The following ARHGAP20 variants were observed in gnomAD, a reference collection of about 807,000 sequenced individuals.
The protein encoded by ARHGAP20 is rho GTPase-activating protein 20.
ARHGAP20 carries 34 observed loss-of-function variants against 73.7 expected under a neutral mutation model. The observed-to-expected ratio is 0.46, with a 90% confidence interval of 0.35 to 0.61. The LOEUF (loss-of-function observed/expected upper bound fraction) is 0.61, where lower values mean the gene tolerates loss of function less well. Among genes scored for constraint, ARHGAP20 ranks in the 20% least tolerant of loss-of-function variants. The probability of loss-of-function intolerance (pLI) is 0.00; values close to 1 mark genes in which losing one functional copy is unlikely to be tolerated. For missense variants in ARHGAP20, 1,314 were observed against 1,420.9 expected (o/e 0.92, Z 1.21); for synonymous variants, 523 against 518.2 (o/e 1.01, Z -0.13).
In ARHGAP20 at chr11:110,580,238, A is replaced by AAAC. The variant is rs1947413738; in HGVS notation, c.2705_2707dup (p.Ser902_Leu903insCys). The AAAC allele has an allele frequency of 3.1e-6, 5 of 1,614,178 alleles. No individual in the cohort carries two copies. The East Asian group carries it at 1.1e-4, about 36-fold the overall frequency. ...CTTGCCCACCTCAATCCCCATGACT[A>AAAC]AACTCTGATTAATGAGCTTCTGCCC... On this transcript the variant is annotated inframe_insertion, in exon 15 of 15. Coordinates refer to ENST00000683387, the MANE Select transcript of ARHGAP20 (RefSeq NM_001384657.1).
At chr11:110,597,720 G>A (rs1948005986) in intron 9 of ARHGAP20, among the ~76,000 whole-genome samples, 1 of 152,168 alleles carries the variant, frequency 6.6e-6, no homozygotes, top group Non-Finnish European at 1.5e-5. Flanking sequence ...TGTTGACAGA[G>A]GATAAAGTAG....
intron 1 of ARHGAP20, among the ~76,000 whole-genome samples, chr11:110,708,831 T>A (rs1950596095): frequency 6.6e-6 from 1 of 152,172 alleles, no homozygotes; most frequent in Non-Finnish European, 1.5e-5. Context: ...TATATATATG[T>A]CAAAACTATT....
chr11:110,670,312 A>G (rs1565469289), intron 2 of ARHGAP20, among the ~76,000 whole-genome samples: 1 of 152,116 alleles, frequency 6.6e-6, no homozygotes, highest in Admixed American at 6.5e-5. Flanking sequence ...TGAAGAGATA[A>G]AATTCATATG....
At chr11:110,711,886 C>A (rs1650319468) in intron 1 of ARHGAP20, 1 of 1,309,818 alleles carries the variant, frequency 7.6e-7, no homozygotes, top group Non-Finnish European at 9.7e-7. Context: ...GCTGCGAGGT[C>A]GCTCGAGGAG....
At chr11:110,676,450 G>A (rs1949931538) in intron 2 of ARHGAP20, among the ~76,000 whole-genome samples, 1 of 152,136 alleles carries the variant, frequency 6.6e-6, no homozygotes, top group Non-Finnish European at 1.5e-5. Flanking sequence ...GCAGCAGCAA[G>A]GAGAAGTACT....
chr11:110,626,188 G>A (rs970128632), intron 3 of ARHGAP20, among the ~76,000 whole-genome samples: 3 of 152,092 alleles, frequency 2.0e-5, no homozygotes, highest in African/African-American at 7.2e-5. Flanking sequence ...GGAAAAAATA[G>A]GTATCCTCCC....
Position 110,579,339 on chromosome 11 carries a change from T to C in ARHGAP20, c.*31A>G. The stretch of plus-strand genomic sequence containing the variant: ...TGTCTATTATTATTAACCCAGTTCC[T>C]GTTCTTGTGGACATCAGATTCTTAC... On this transcript the variant is annotated 3_prime_UTR_variant, in exon 15 of 15. Transcript: ENST00000683387. 1 of 1,545,210 alleles carries C rather than the reference T, an allele frequency of 6.5e-7. No individual in the cohort carries two copies. Among genetic ancestry groups the C allele is most frequent in the African/African-American group, 1.4e-5 (1 of 72,756 alleles).
chr11:110,711,288 C>A (rs1341182968), intron 1 of ARHGAP20, among the ~76,000 whole-genome samples: 1 of 152,126 alleles, frequency 6.6e-6, no homozygotes, highest in Admixed American at 6.5e-5. Context: ...AGGGAACACG[C>A]GCTGCCCCCA....
intron 1 of ARHGAP20, among the ~76,000 whole-genome samples, chr11:110,702,368 A>T (rs1950470186): frequency 6.6e-6 from 1 of 152,086 alleles, no homozygotes; most frequent in Non-Finnish European, 1.5e-5. Flanking sequence ...ATAAATTAGG[A>T]ATTGATGGGA....
At chr11:110,603,506 C>A (rs573164999) in intron 9 of ARHGAP20, among the ~76,000 whole-genome samples, 1 of 152,178 alleles carries the variant, frequency 6.6e-6, no homozygotes, top group South Asian at 2.1e-4. Context: ...GCTTTATATA[C>A]TTCTTGTGCC....
chr11:110,695,497 T>C (rs533205188), intron 1 of ARHGAP20, among the ~76,000 whole-genome samples: 115 of 151,562 alleles, frequency 7.6e-4, no homozygotes, highest in African/African-American at 2.5e-3. Flanking sequence ...TAAAGGCAAA[T>C]TGCCAAATTA....
chr11:110,684,806 G>A (rs1950100426), intron 2 of ARHGAP20, among the ~76,000 whole-genome samples: 1 of 152,038 alleles, frequency 6.6e-6, no homozygotes, highest in Non-Finnish European at 1.5e-5. Flanking sequence ...ATTATTCTAA[G>A]TAAATTAACA....
At chr11:110,708,956 G>A (rs991196008) in intron 1 of ARHGAP20, among the ~76,000 whole-genome samples, 1 of 152,066 alleles carries the variant, frequency 6.6e-6, no homozygotes, top group East Asian at 1.9e-4. Context: ...GAGCTCAATA[G>A]CTACATGTAG....
chr11:110,619,813 G>A (rs1288621301), intron 4 of ARHGAP20, among the ~76,000 whole-genome samples: 1 of 152,050 alleles, frequency 6.6e-6, no homozygotes. Context: ...TATATGCAGT[G>A]ATAGAGTATA....
Position 110,579,473 on chromosome 11 carries a change from C to T in ARHGAP20, c.3473G>A (p.Arg1158Lys). The T allele has an allele frequency of 6.2e-7, 1 of 1,614,166 alleles. No homozygotes were observed. The highest frequency in any genetic ancestry group is 8.5e-7 in the Non-Finnish European group (1 of 1,180,020). Residue 1158 changes from arginine to lysine, a missense_variant, in exon 15 of 15, where the codon AGA (arginine) becomes AAA (lysine). Around this residue, in one of 3 missense-constraint regions of ARHGAP20, gnomAD observed 641 missense variants for 636.9 expected, o/e 1.01. Coordinates refer to ENST00000683387, the MANE Select transcript of ARHGAP20 (RefSeq NM_001384657.1). ...QSSSGSLPWE[R>K]ASASSWTLED... ...TAGAGTCCAAGAGCTGGCTGAGGCT[C>T]TTTCCCAAGGCAGAGAACCAGAAGA...
chr11:110,690,245 C>T (rs1950215788), intron 2 of ARHGAP20, among the ~76,000 whole-genome samples: 3 of 152,104 alleles, frequency 2.0e-5, no homozygotes, highest in African/African-American at 4.8e-5. Flanking sequence ...ACAAAACATT[C>T]ATTTTTCAGT....
intron 2 of ARHGAP20, among the ~76,000 whole-genome samples, chr11:110,673,854 T>C (rs776603669): frequency 1.3e-5 from 2 of 152,138 alleles, no homozygotes; most frequent in Non-Finnish European, 2.9e-5. Context: ...CAGTCTAATA[T>C]GATGGCTAAG....
intron 2 of ARHGAP20, among the ~76,000 whole-genome samples, chr11:110,642,602 T>C (rs1240947371): frequency 6.6e-6 from 1 of 152,288 alleles, no homozygotes; most frequent in East Asian, 1.9e-4. Flanking sequence ...GATTTGTGTA[T>C]GCTGAACCAA....
intron 4 of ARHGAP20, among the ~76,000 whole-genome samples, chr11:110,619,792 TAGTGATAGAGTATATGC>T (rs1316913650): frequency 7.3e-5 from 11 of 150,810 alleles, no homozygotes; most frequent in East Asian, 2.0e-4. Context: ...AGTGCATATG[TAGTGATAGAGTATATGC>T]AGTGATAGAG....
Sources: allele counts gnomAD v4.1 joint callset (sites outside exome capture counted in the v4.1 genomes callset), GRCh38; gene constraint gnomAD v4.1.1; regional missense constraint gnomAD v4.1.1; transcripts MANE v1.5; gene names NCBI Gene and HGNC (gene_info 2026-07-23, HGNC 2026-07-21).